METAP1D: variants seen among roughly 807,000 people sequenced by gnomAD.
The protein encoded by METAP1D is methionine aminopeptidase 1D, mitochondrial.
A neutral mutation model predicts 40.5 loss-of-function variants in METAP1D; 31 were observed. That is an observed-to-expected ratio of 0.77 (90% CI 0.58 to 1.03). The LOEUF (loss-of-function observed/expected upper bound fraction) is 1.03. Ranked by LOEUF, METAP1D falls within the 50% of genes least tolerant of loss-of-function variation. METAP1D has a pLI of 0.00. For synonymous variants in METAP1D, 151 were observed against 146.4 expected, an observed-to-expected ratio of 1.03 and a Z score of -0.22; for missense variants, 411 against 420.7, an observed-to-expected ratio of 0.98 and a Z score of 0.20.
chr2:172,010,182 C>A (rs62183804), intron 1 of METAP1D, among the ~76,000 whole-genome samples: 27,173 of 149,786 alleles, frequency 0.18, 2,800 homozygotes, highest in Non-Finnish European at 0.24. Flanking sequence ...ACTTTGTCAC[C>A]CAGGCTGGAG....
chr2:172,078,563 C>A (rs1390514024), intron 7 of METAP1D, among the ~76,000 whole-genome samples: 3 of 152,190 alleles, frequency 2.0e-5, no homozygotes, highest in Non-Finnish European at 4.4e-5. Flanking sequence ...GGGGCCTTGA[C>A]CTGTGCCCCT....
At chr2:172,024,770 G>GTGTGTGTGTGTGTGTT (rs1689089588) in intron 1 of METAP1D, among the ~76,000 whole-genome samples, 3 of 105,114 alleles carry the variant, frequency 2.9e-5, no homozygotes, top group African/African-American at 1.0e-4. Context: ...GTGTGTGTGT[G>GTGTGTGTGTGTGTGTT]TGTGTGTGTG....
At chr2:172,013,048 G>A (rs114731920) in intron 1 of METAP1D, among the ~76,000 whole-genome samples, 1 of 152,126 alleles carries the variant, frequency 6.6e-6, no homozygotes, top group African/African-American at 2.4e-5. Flanking sequence ...CTCTTAACAG[G>A]GGATTTAGCC....
intron 2 of METAP1D, among the ~76,000 whole-genome samples, chr2:172,062,996 G>A (rs1316229156): frequency 2.0e-5 from 3 of 152,206 alleles, no homozygotes; most frequent in Non-Finnish European, 4.4e-5. Flanking sequence ...GAAGCTTTGT[G>A]TGTAAGATGG....
rs1574125948 is a variant in METAP1D at position 172,049,721 on chromosome 2, A to G, written c.41-11777A>G. 2.0e-5 allele frequency among the ~76,000 whole-genome samples: 3 copies of G among 152,288 alleles called. No individual in the cohort carries two copies. In the East Asian group the frequency reaches 5.8e-4, roughly 29 times the overall value. Reference sequence around the variant, plus strand: ...ACTTTCTCTTTATTTTTCTGGTTGAAAATAACTCCTTGATGAGTGATCTTG... The same window carrying G: ...ACTTTCTCTTTATTTTTCTGGTTGAGAATAACTCCTTGATGAGTGATCTTG... On this transcript the variant is annotated intron_variant, in intron 1 of 9. Coordinates refer to ENST00000315796, the MANE Select transcript of METAP1D (RefSeq NM_199227.3).
chr2:172,001,952 C>T (rs1688473971), intron 1 of METAP1D, among the ~76,000 whole-genome samples: 1 of 150,950 alleles, frequency 6.6e-6, no homozygotes, highest in African/African-American at 2.4e-5. Context: ...AAAAATTAGC[C>T]AGGTGTGGTG....
chr2:172,040,249 C>T (rs1343862807), intron 1 of METAP1D, among the ~76,000 whole-genome samples: 1 of 152,208 alleles, frequency 6.6e-6, no homozygotes, highest in Non-Finnish European at 1.5e-5. Flanking sequence ...AGCCACTGCG[C>T]CCGGCCGAAA....
intron 1 of METAP1D, chr2:172,021,671 G>A (rs1247219963): frequency 4.6e-5 from 7 of 152,250 alleles, no homozygotes; most frequent in African/African-American, 1.7e-4. Context: ...GGCTTGGCAG[G>A]TCGGGGTTAA....
At chr2:172,036,047 A>G (rs148798659) in intron 1 of METAP1D, among the ~76,000 whole-genome samples, 5,397 of 151,998 alleles carry the variant, frequency 0.036, 125 homozygotes, top group Non-Finnish European at 0.058. Context: ...GCTGGGCATG[A>G]TGGTTCATGC....
At chr2:172,025,036 G>A (rs969080426) in intron 1 of METAP1D, among the ~76,000 whole-genome samples, 1 of 152,138 alleles carries the variant, frequency 6.6e-6, no homozygotes, top group Non-Finnish European at 1.5e-5. Context: ...AATAAAGCCT[G>A]ACACAAAATG....
At chr2:172,062,398 A>G (rs1690160543) in intron 2 of METAP1D, among the ~76,000 whole-genome samples, 2 of 152,232 alleles carry the variant, frequency 1.3e-5, no homozygotes, top group South Asian at 2.1e-4. Context: ...ACCAGGATGT[A>G]TCCCCTGGCC....
rs371984643 is a variant in METAP1D at position 172,063,891 on chromosome 2, A to C, written c.348+31A>C. On this transcript the variant is annotated intron_variant, in intron 3 of 9. Coordinates refer to ENST00000315796, the MANE Select transcript of METAP1D (RefSeq NM_199227.3). ...GTCTCACCAAGCCTCAGAACGACTT[A>C]CATAAGGGGCAACAAACACTCCTCT... The C allele has an allele frequency of 5.1e-6, 8 of 1,560,600 alleles. No individual in the cohort carries two copies. The African/African-American group carries it at 1.1e-4, about 22-fold the overall frequency.
chr2:172,061,422 A>G (rs1690138560), intron 1 of METAP1D, 76 bp from the exon 2 acceptor site: 1 of 1,303,938 alleles, frequency 7.7e-7, no homozygotes, highest in Admixed American at 2.4e-5. Context: ...TTTAATAGAC[A>G]ACACCACAAC....
intron 1 of METAP1D, among the ~76,000 whole-genome samples, chr2:172,025,174 A>G (rs1364915425): frequency 4.6e-5 from 7 of 152,196 alleles, no homozygotes; most frequent in East Asian, 1.9e-4. Flanking sequence ...TTCTCAATCA[A>G]TTGTTCTAGG....
chr2:172,032,689 T>C (rs1689266085), intron 1 of METAP1D, among the ~76,000 whole-genome samples: 1 of 152,180 alleles, frequency 6.6e-6, no homozygotes, highest in Non-Finnish European at 1.5e-5. Context: ...TATCTACTGG[T>C]CATCAATGGT....
chr2:172,000,635 A>G (rs1287888848), intron 1 of METAP1D, among the ~76,000 whole-genome samples: 1 of 152,188 alleles, frequency 6.6e-6, no homozygotes, highest in Non-Finnish European at 1.5e-5. Context: ...AGTTTTTCCA[A>G]GGACGGGGGA....
At position 172,080,396 on chromosome 2, in the gene METAP1D, A is replaced by G; in HGVS notation, c.998A>G (p.His333Arg). The change falls in exon 10 of 10, where the codon CAT becomes CGT. Residue 333 changes from histidine (H) to arginine (R), a missense_variant. Coordinates refer to ENST00000315796, the MANE Select transcript of METAP1D (RefSeq NM_199227.3). ...GCGCAGATCCTGACCAAACTACCCCATGAGGCCTGAGGAGCCGCCCGAAGG... is the reference window on the plus strand; with the variant it reads ...GCGCAGATCCTGACCAAACTACCCCGTGAGGCCTGAGGAGCCGCCCGAAGG... ...RGAQILTKLP[H>R]EA 1 of 1,614,012 alleles carries G rather than the reference A, an allele frequency of 6.2e-7. No individual in the cohort carries two copies. The highest frequency in any genetic ancestry group is 8.5e-7 in the Non-Finnish European group (1 of 1,179,890).
intron 1 of METAP1D, among the ~76,000 whole-genome samples, chr2:172,013,452 C>T (rs1001143963): frequency 1.3e-5 from 2 of 152,248 alleles, no homozygotes; most frequent in East Asian, 3.9e-4. Flanking sequence ...TGACAGGTCT[C>T]AGGAGTCTGA....
At chr2:172,017,722 T>A (rs1303131935) in intron 1 of METAP1D, among the ~76,000 whole-genome samples, 2 of 152,128 alleles carry the variant, frequency 1.3e-5, no homozygotes, top group African/African-American at 4.8e-5. Flanking sequence ...CCCTTCAAGC[T>A]GTCATCATAT....
Sources: gnomAD v4.1 joint callset for allele counts (sites outside exome capture counted in the v4.1 genomes callset) on GRCh38, gnomAD v4.1.1 for gene constraint, MANE v1.5 for transcripts, NCBI Gene and HGNC (gene_info 2026-07-23, HGNC 2026-07-21) for gene names.